C6: variants seen among roughly 807,000 people sequenced by gnomAD.
The protein encoded by C6 is complement C6.
In C6, 101 loss-of-function variants were observed where a neutral mutation model predicts 112.9. That is an observed-to-expected ratio of 0.89 (90% confidence interval 0.76 to 1.06). The LOEUF (loss-of-function observed/expected upper bound fraction) is 1.06, where lower values mean the gene tolerates loss of function less well. C6 is among the 50% of genes least tolerant of loss of function. The pLI is 0.00. For missense variants in C6, 1,202 were observed against 1,104.6 expected, an observed-to-expected ratio of 1.09 and a Z score of -1.25; for synonymous variants, 431 against 384.1, an observed-to-expected ratio of 1.12 and a Z score of -1.43.
chr5:41,235,284 A>T (rs977161101), intron 1 of C6, among the ~76,000 whole-genome samples: 7 of 130,026 alleles, frequency 5.4e-5, no homozygotes, highest in South Asian at 2.7e-4. Context: ...TGTCCATGTG[A>T]TCTCATTGTT....
rs139458770 is a variant in C6, at chr5:41,203,732, T to C, written c.-20-482A>G. On this transcript the variant is annotated intron_variant, in intron 1 of 17. Coordinates refer to ENST00000337836, the MANE Select transcript of C6 (RefSeq NM_000065.5). Reference sequence around the variant, plus strand: ...GCTGGAAACCTGCTAAAGAGAACGTTCACTGACTCCATATAAAGTCAGAGA... The same window carrying C: ...GCTGGAAACCTGCTAAAGAGAACGTCCACTGACTCCATATAAAGTCAGAGA... 53 of 176,236 alleles carry C rather than the reference T, an allele frequency of 3.0e-4. 1 individual carries two copies. The highest frequency in any genetic ancestry group is 1.2e-3 in the African/African-American group (49 of 41,946). The allele number at this position is 176,236 out of a possible 1,614,324, so 10.9% of individuals were successfully genotyped here.
chr5:41,201,447 T>C (rs536867127), intron 3 of C6, 111 bp downstream of exon 3: 3 of 1,090,438 alleles, frequency 2.8e-6, no homozygotes, highest in Admixed American at 2.0e-5. Flanking sequence ...GCTGAGACAG[T>C]TGATTTTCAG....
chr5:41,166,706 G>GC (rs1215025285), intron 9 of C6, among the ~76,000 whole-genome samples: 1 of 152,138 alleles, frequency 6.6e-6, no homozygotes, highest in African/African-American at 2.4e-5. Context: ...AATGCAGGTT[G>GC]CAGTGAGTAC....
chr5:41,211,975 A>G (rs1751968243), intron 1 of C6, among the ~76,000 whole-genome samples: 1 of 152,176 alleles, frequency 6.6e-6, no homozygotes, highest in South Asian at 2.1e-4. Flanking sequence ...CAGAACCCTT[A>G]TAAAATATTC....
chr5:41,233,530 G>A (rs1740038746), intron 1 of C6, among the ~76,000 whole-genome samples: 1 of 152,054 alleles, frequency 6.6e-6, no homozygotes, highest in Admixed American at 6.6e-5. Context: ...GAGCAATTGT[G>A]TAACAAAACA....
At chr5:41,205,605 G>A (rs538836616) in intron 1 of C6, among the ~76,000 whole-genome samples, 45 of 152,244 alleles carry the variant, frequency 3.0e-4, no homozygotes, top group African/African-American at 8.7e-4. Flanking sequence ...TCCCACACCC[G>A]CAGAGCCTCT....
rs1746186874 is a variant in C6, at chr5:41,149,603, C to G, written c.2382-121G>C. 1.8e-5 allele frequency: 23 copies of G among 1,263,706 alleles called. 1 individual carries two copies. The highest frequency in any genetic ancestry group is 4.8e-5 in the South Asian group (4 of 82,872). 78.3% of individuals were successfully genotyped at this position (1,263,706 alleles called of 1,614,324 possible). A position where few individuals can be genotyped will look rare whatever the true frequency, so the allele number is the denominator to read the frequency against. On this transcript the variant is annotated intron_variant, in intron 16 of 17. Transcript: ENST00000337836. ...TCTTTTGCCTGTTTTCCCCACCCCA[C>G]TCCAAGCCCTGGGCTTGAGTGAGAG...
chr5:41,252,164 T>A (rs1231324083), intron 1 of C6, among the ~76,000 whole-genome samples: 1 of 152,212 alleles, frequency 6.6e-6, no homozygotes, highest in East Asian at 1.9e-4. Flanking sequence ...TTAACTAATA[T>A]AAATAGACAT....
intron 1 of C6, among the ~76,000 whole-genome samples, chr5:41,228,332 T>C (rs754134164): frequency 2.6e-5 from 4 of 152,144 alleles, no homozygotes; most frequent in Non-Finnish European, 5.9e-5. Flanking sequence ...TTTACCAAAT[T>C]TGTTTATTGG....
intron 9 of C6, among the ~76,000 whole-genome samples, chr5:41,167,043 A>T (rs1748033726): frequency 6.6e-6 from 1 of 151,984 alleles, no homozygotes; most frequent in African/African-American, 2.4e-5. Flanking sequence ...TTTTAATATT[A>T]ATTTTTTTAT....
At chr5:41,247,538 A>T (rs1741095236) in intron 1 of C6, among the ~76,000 whole-genome samples, 1 of 152,126 alleles carries the variant, frequency 6.6e-6, no homozygotes, top group South Asian at 2.1e-4. Flanking sequence ...TGACATGGTG[A>T]AACCCCATCT....
chr5:41,227,567 C>T (rs573832759), intron 1 of C6, among the ~76,000 whole-genome samples: 47 of 151,942 alleles, frequency 3.1e-4, no homozygotes, highest in South Asian at 6.2e-4. Flanking sequence ...TGATTTCTTC[C>T]GGTAGTTTTA....
Position 41,142,196 on chromosome 5 carries a change from G to T in C6, c.*629C>A, listed in dbSNP as rs1418257173. Reference sequence around the variant, plus strand: ...TTAAGGATGGGACTCACCCTTCCGTGTTGTATTTTCTCCAAAACAATTATC... The same window carrying T: ...TTAAGGATGGGACTCACCCTTCCGTTTTGTATTTTCTCCAAAACAATTATC... On this transcript the variant is annotated 3_prime_UTR_variant, in exon 18 of 18. Coordinates refer to ENST00000337836, the MANE Select transcript of C6 (RefSeq NM_000065.5). The T allele has an allele frequency of 6.5e-6, 1 of 153,764 alleles. No homozygotes were observed. Among genetic ancestry groups the T allele is most frequent in the Non-Finnish European group, 1.4e-5 (1 of 69,092 alleles). 9.5% of individuals were successfully genotyped at this position (153,764 alleles called of 1,614,324 possible).
intron 7 of C6, among the ~76,000 whole-genome samples, chr5:41,179,483 A>G (rs529385358): frequency 6.6e-6 from 1 of 151,972 alleles, no homozygotes; most frequent in African/African-American, 2.4e-5. Flanking sequence ...GCTAAAAATA[A>G]AAAAGGCCAT....
chr5:41,218,290 C>CT (rs771913644), upstream of C6, among the ~76,000 whole-genome samples: 10 of 152,072 alleles, frequency 6.6e-5, no homozygotes, highest in Non-Finnish European at 1.5e-4. Context: ...ATCATATTCA[C>CT]TGTAATTACC....
chr5:41,248,688 G>A (rs920901716), intron 1 of C6, among the ~76,000 whole-genome samples: 2 of 152,214 alleles, frequency 1.3e-5, no homozygotes, highest in African/African-American at 4.8e-5. Context: ...TGCTGGATAA[G>A]CCGTGGGGAA....
intron 1 of C6, among the ~76,000 whole-genome samples, chr5:41,203,979 C>T (rs1751229475): frequency 6.6e-6 from 1 of 152,138 alleles, no homozygotes; most frequent in Admixed American, 6.5e-5. Flanking sequence ...ACCACTCAGG[C>T]CACAACAGGT....
chr5:41,253,634 G>A (rs1180074874), intron 1 of C6, among the ~76,000 whole-genome samples: 1 of 152,152 alleles, frequency 6.6e-6, no homozygotes, highest in African/African-American at 2.4e-5. Context: ...TCCAATGGCT[G>A]AAAAACCATT....
intron 1 of C6, among the ~76,000 whole-genome samples, chr5:41,222,229 T>C (rs1739218824): frequency 1.3e-5 from 2 of 151,814 alleles, no homozygotes; most frequent in Non-Finnish European, 2.9e-5. Context: ...TCAAAGTTAA[T>C]AGTTTTGAAA....
Sources: gnomAD v4.1 joint callset for allele counts (sites outside exome capture counted in the v4.1 genomes callset) on GRCh38, gnomAD v4.1.1 for gene constraint, MANE v1.5 for transcripts, NCBI Gene and HGNC (gene_info 2026-07-23, HGNC 2026-07-21) for gene names.